PHIP: variants seen among roughly 807,000 people sequenced by gnomAD.
The protein encoded by PHIP is PHIP subunit of CUL4-Ring ligase complex, also known as PH-interacting protein.
Under a neutral mutation model 236.8 loss-of-function variants are expected in PHIP, and 54 were observed. The observed-to-expected ratio is 0.23, with a 90% CI of 0.18 to 0.29. The LOEUF (loss-of-function observed/expected upper bound fraction) is 0.29, where lower values mean the gene tolerates loss of function less well. Among genes scored for constraint, PHIP ranks in the 10% least tolerant of loss-of-function variants. The pLI is 1.00. For missense variants in PHIP, 1,370 were observed against 2,190.8 expected (o/e 0.63, Z 7.48); for synonymous variants, 756 against 718.9 (o/e 1.05, Z -0.83).
At chr6:79,030,419 G>C (rs1038898345) in intron 7 of PHIP, among the ~76,000 whole-genome samples, 1 of 152,294 alleles carries the variant, frequency 6.6e-6, no homozygotes, top group African/African-American at 2.4e-5. Flanking sequence ...GCTGGGGATT[G>C]CTGCTCGGGC....
chr6:79,004,584 A>G (rs1214262050), intron 15 of PHIP, among the ~76,000 whole-genome samples: 1 of 152,110 alleles, frequency 6.6e-6, no homozygotes, highest in African/African-American at 2.4e-5. Context: ...TAGGGACTGA[A>G]TTTCAGAAAC....
intron 4 of PHIP, among the ~76,000 whole-genome samples, chr6:79,066,309 G>A (rs916237795): frequency 6.6e-6 from 1 of 152,150 alleles, no homozygotes; most frequent in African/African-American, 2.4e-5. Context: ...CCTATGGTAA[G>A]TGTGGTAAGT....
rs774737440 is a variant in PHIP, at chr6:78,997,643, T to C, written c.2018-46A>G. ...ATTAAGTTCTACTTAGAGATATTTC[T>C]CCATTAGTTTATAACAGAAAAAAGA... On this transcript the variant is annotated intron_variant, in intron 18 of 39. Coordinates refer to ENST00000275034, the MANE Select transcript of PHIP (RefSeq NM_017934.7). 3 of 1,422,396 alleles carry C rather than the reference T, an allele frequency of 2.1e-6. No individual in the cohort carries two copies. In the East Asian group the frequency reaches 7.1e-5, roughly 33 times the overall value. The allele number at this position is 1,422,396 out of a possible 1,614,324, so 88.1% of individuals were successfully genotyped here.
chr6:79,029,564 C>T (rs1771567954), intron 7 of PHIP, among the ~76,000 whole-genome samples: 2 of 152,286 alleles, frequency 1.3e-5, no homozygotes, highest in South Asian at 4.1e-4. Context: ...CAGTCTTGCT[C>T]TGTTACCCTG....
At position 78,946,883 on chromosome 6, in the gene PHIP, G is replaced by GAAA; in HGVS notation, c.4207-12_4207-10dup. 2 of 1,310,630 alleles carry GAAA rather than the reference G, an allele frequency of 1.5e-6. No homozygotes were observed. Among genetic ancestry groups the GAAA allele is most frequent in the South Asian group, 1.5e-5 (1 of 66,316 alleles). The allele number at this position is 1,310,630 out of a possible 1,614,324, so 81.2% of individuals were successfully genotyped here. ...AAACTCATGCTGTAAATCTGTGAGG[G>GAAA]AAAAAAAAAAGTGTTCAACCATTCC... On this transcript the variant is annotated splice_polypyrimidine_tract_variant and intron_variant, in intron 36 of 39. Transcript: ENST00000275034.
intron 21 of PHIP, among the ~76,000 whole-genome samples, chr6:78,987,069 C>T (rs1768914445): frequency 6.6e-6 from 1 of 152,060 alleles, no homozygotes; most frequent in Non-Finnish European, 1.5e-5. Flanking sequence ...TCTCAATGGA[C>T]TCTTCTAGAA....
At chr6:79,065,902 ATAT>A (rs1773599505) in intron 4 of PHIP, among the ~76,000 whole-genome samples, 1 of 152,074 alleles carries the variant, frequency 6.6e-6, no homozygotes, top group African/African-American at 2.4e-5. Flanking sequence ...TTCTTCATAA[ATAT>A]TAATCCATTA....
At chr6:78,980,754 C>CA (rs1768469862) in intron 23 of PHIP, among the ~76,000 whole-genome samples, 1 of 152,014 alleles carries the variant, frequency 6.6e-6, no homozygotes, top group South Asian at 2.1e-4. Context: ...CAGCTGCTAT[C>CA]AGTTTTGTAT....
intron 32 of PHIP, 79 bp downstream of exon 32, chr6:78,958,396 T>C (rs1766565684): frequency 2.2e-6 from 2 of 920,142 alleles, no homozygotes; most frequent in Non-Finnish European, 1.7e-6. Context: ...TTACAAACAG[T>C]ATGTTTTCTA....
chr6:79,048,001 G>GT (rs1772587427), intron 6 of PHIP, among the ~76,000 whole-genome samples: 1 of 148,126 alleles, frequency 6.8e-6, no homozygotes, highest in Non-Finnish European at 1.5e-5. Flanking sequence ...ATATACATAT[G>GT]TATTTTTTTT....
At chr6:78,941,415 T>C in intron 39 of PHIP, 85 bp from the exon 40 acceptor site, 1 of 825,558 alleles carries the variant, frequency 1.2e-6, no homozygotes, top group Non-Finnish European at 1.9e-6. Context: ...CCCATTGGTA[T>C]ACTTATATGT....
At chr6:78,998,474 G>C in intron 17 of PHIP, 83 bp from the exon 18 acceptor site, 2 of 1,021,056 alleles carry the variant, frequency 2.0e-6, no homozygotes, top group Non-Finnish European at 2.9e-6. Flanking sequence ...TATGAGTTCA[G>C]AATTAAACAT....
intron 15 of PHIP, among the ~76,000 whole-genome samples, chr6:79,011,313 C>A (rs1770563494): frequency 6.6e-6 from 1 of 151,712 alleles, no homozygotes; most frequent in Admixed American, 6.6e-5. Flanking sequence ...TACTGAAGGC[C>A]TAGAATGTAG....
Position 78,961,735 on chromosome 6 carries a change from G to A in PHIP, c.3611C>T (p.Thr1204Met), listed in dbSNP as rs761027651. Residue 1204 changes from threonine (T) to methionine (M), a missense_variant, in exon 31 of 40, where the codon ACG becomes ATG. By Grantham distance (81) the Thr-to-Met change is moderately conservative. Around this residue, in one of 14 missense-constraint regions of PHIP, gnomAD observed 238 missense variants for 398.5 expected, o/e 0.60. Coordinates refer to ENST00000275034, the MANE Select transcript of PHIP (RefSeq NM_017934.7). ...PMYCTVVAYP[T>M]DLSTIKQRLE... ...TCTTTGTTTAATTGTACTTAGATCCGTTGGATATGCCACTACTGTGCAATA... is the reference window on the plus strand; with the variant it reads ...TCTTTGTTTAATTGTACTTAGATCCATTGGATATGCCACTACTGTGCAATA... 6 of 1,612,118 alleles carry A rather than the reference G, an allele frequency of 3.7e-6. No individual in the cohort carries two copies. Among genetic ancestry groups the A allele is most frequent in the South Asian group, 2.2e-5 (2 of 90,982 alleles).
chr6:79,023,337 A>G (rs1354694859), intron 9 of PHIP, among the ~76,000 whole-genome samples: 3 of 152,104 alleles, frequency 2.0e-5, no homozygotes, highest in Non-Finnish European at 4.4e-5. Context: ...AACTCAAGTG[A>G]TCCTCCTTCC....
intron 17 of PHIP, 47 bp from the exon 18 acceptor site, chr6:78,998,438 A>G (rs1358201352): frequency 1.3e-5 from 20 of 1,546,024 alleles, no homozygotes; most frequent in Non-Finnish European, 1.8e-5. Flanking sequence ...GCTACTATTC[A>G]AACCATTTTA....
rs373455873 is a variant in PHIP, at chr6:78,998,248, G to A, written c.2017+6C>T. On this transcript the variant is annotated splice_donor_region_variant and intron_variant, in intron 18 of 39. Transcript: ENST00000275034. ...ATATTTCACTTAAAATAGAATACCTGCTTACCTCTACTTAAACGGCTGGTA... is the reference window on the plus strand; with the variant it reads ...ATATTTCACTTAAAATAGAATACCTACTTACCTCTACTTAAACGGCTGGTA... 34 of 1,604,046 alleles carry A rather than the reference G, an allele frequency of 2.1e-5. No homozygotes were observed. Among genetic ancestry groups the A allele is most frequent in the East Asian group, 6.7e-5 (3 of 44,776 alleles).
intron 4 of PHIP, chr6:79,067,861 T>C (rs1375572011): frequency 6.6e-6 from 1 of 152,648 alleles, no homozygotes; most frequent in African/African-American, 2.4e-5. Flanking sequence ...CATTGCAATT[T>C]GAACAAAAGG....
chr6:78,958,727 T>C (rs959617834), intron 31 of PHIP, 127 bp from the exon 32 acceptor site: 1 of 655,286 alleles, frequency 1.5e-6, no homozygotes, highest in South Asian at 1.8e-5. Flanking sequence ...ATTGGTCTTA[T>C]AAAGTCATTT....
Sources: gnomAD v4.1 joint callset for allele counts (sites outside exome capture counted in the v4.1 genomes callset) on GRCh38, gnomAD v4.1.1 for gene constraint, gnomAD v4.1.1 regional missense constraint, MANE v1.5 for transcripts, NCBI Gene and HGNC (gene_info 2026-07-23, HGNC 2026-07-21) for gene names.